SCARB2: variants seen among roughly 807,000 people sequenced by gnomAD.
SCARB2 encodes scavenger receptor class B member 2.
Under a neutral mutation model 58.6 loss-of-function variants are expected in SCARB2, and 29 were observed. The ratio of observed to expected loss-of-function variants is 0.49; its 90% CI spans 0.37 to 0.67. The LOEUF (loss-of-function observed/expected upper bound fraction) is 0.67. Among genes scored for constraint, SCARB2 ranks in the 30% least tolerant of loss-of-function variants. The probability of loss-of-function intolerance (pLI) is 0.00; values close to 1 mark genes in which losing one functional copy is unlikely to be tolerated. For missense variants in SCARB2, 488 were observed against 578.5 expected, an observed-to-expected ratio of 0.84 and a Z score of 1.60; for synonymous variants, 195 against 210.1, an observed-to-expected ratio of 0.93 and a Z score of 0.62.
intron 1 of SCARB2, among the ~76,000 whole-genome samples, chr4:76,222,224 CTTCT>C (rs1213500469): frequency 3.3e-5 from 5 of 151,364 alleles, no homozygotes; most frequent in African/African-American, 1.2e-4. Context: ...TATTTCCTAT[CTTCT>C]TTTTTTTTTT....
At chr4:76,215,315 G>A (rs2109976242), upstream of SCARB2, among the ~76,000 whole-genome samples, 1 of 152,314 alleles carries the variant, frequency 6.6e-6, no homozygotes, top group Middle Eastern at 3.4e-3. Flanking sequence ...AGCTCAACTG[G>A]TTGCTGAGTG....
chr4:76,177,404 A>C (rs1042556937), intron 4 of SCARB2, among the ~76,000 whole-genome samples: 1 of 152,148 alleles, frequency 6.6e-6, no homozygotes, highest in Non-Finnish European at 1.5e-5. Context: ...ACCTTTATAC[A>C]TTGCTAGCAG....
At chr4:76,228,478 TAAAA>T (rs906897366) in intron 1 of SCARB2, among the ~76,000 whole-genome samples, 1 of 140,790 alleles carries the variant, frequency 7.1e-6, no homozygotes, top group Non-Finnish European at 1.6e-5. Context: ...GCCTCCATCT[TAAAA>T]AAAAAAAAAG....
intron 1 of SCARB2, among the ~76,000 whole-genome samples, chr4:76,210,604 T>C (rs1439449976): frequency 2.0e-5 from 3 of 151,880 alleles, no homozygotes; most frequent in Non-Finnish European, 2.9e-5. Context: ...AGGAAGAGGG[T>C]GTGGGAAAAA....
chr4:76,198,127 T>A (rs947879254), intron 1 of SCARB2, among the ~76,000 whole-genome samples: 1 of 152,234 alleles, frequency 6.6e-6, no homozygotes, highest in Non-Finnish European at 1.5e-5. Flanking sequence ...TTCCTATTAC[T>A]GTCAGGACAG....
rs1027522221 is a variant in SCARB2 at position 76,195,869 on chromosome 4, G to GA, written c.118-6dup. The GA allele has an allele frequency of 1.9e-6, 3 of 1,602,922 alleles. No individual in the cohort carries two copies. The highest frequency in any genetic ancestry group is 2.2e-5 in the East Asian group (1 of 44,806). On this transcript the variant is annotated splice_polypyrimidine_tract_variant and splice_region_variant and intron_variant, in intron 1 of 11. Transcript: ENST00000264896. ...ACCATTCCTTAACACAATTTTCTAGGAAAAAACCAAAAGGAGATTTACAAA... is the reference window on the plus strand; with the variant it reads ...ACCATTCCTTAACACAATTTTCTAGGAAAAAAACCAAAAGGAGATTTACAAA...
intron 10 of SCARB2, 67 bp from the exon 11 acceptor site, chr4:76,163,450 T>A: frequency 6.4e-7 from 1 of 1,574,278 alleles, no homozygotes; most frequent in Non-Finnish European, 8.7e-7. Context: ...TTTTGCTATA[T>A]CTTTCCTTTG....
intron 5 of SCARB2, 166 bp downstream of exon 5, chr4:76,176,271 T>A: frequency 1.6e-6 from 1 of 620,532 alleles, no homozygotes; most frequent in Non-Finnish European, 2.8e-6. Context: ...CTGTAAGATG[T>A]TTTACCACCA....
Position 76,161,320 on chromosome 4 carries a change from G to A in SCARB2, c.*393C>T, listed in dbSNP as rs1731892672. The A allele has an allele frequency of 8.0e-6, 2 of 248,664 alleles. No individual in the cohort carries two copies. The highest frequency in any genetic ancestry group is 1.6e-5 in the Non-Finnish European group (2 of 125,786). The allele number at this position is 248,664 out of a possible 1,614,324, so 15.4% of individuals were successfully genotyped here. ...ACATAAAATGGTATATACGCATTTT[G>A]AGCACAAAGTTCGGTGAATGAAGCA... On this transcript the variant is annotated 3_prime_UTR_variant, in exon 12 of 12. Transcript: ENST00000264896.
Position 76,175,886 on chromosome 4 carries a change from G to C in SCARB2, c.729C>G (p.Asp243Glu). 6.2e-7 allele frequency: 1 copy of C among 1,613,872 alleles called. No individual in the cohort carries two copies. Among genetic ancestry groups the C allele is most frequent in the African/African-American group, 1.3e-5 (1 of 75,022 alleles). The change falls in exon 6 of 12, where the codon GAC (aspartate) becomes GAG (glutamate). Residue 243 changes from aspartate to glutamate, a missense_variant. Physicochemically the swap from Asp to Glu is conservative, Grantham distance 45. Coordinates refer to ENST00000264896, the MANE Select transcript of SCARB2 (RefSeq NM_005506.4). ...GKTSLDWWIT[D>E]KCNMINGTDG... ...CTGTTCCATTAATCATATTGCACTT[G>C]TCTGTTATCCACCAGTCAAGTGACC...
intron 1 of SCARB2, among the ~76,000 whole-genome samples, chr4:76,211,541 C>T (rs955254392): frequency 6.6e-6 from 1 of 152,214 alleles, no homozygotes; most frequent in Non-Finnish European, 1.5e-5. Flanking sequence ...AATTATTTGA[C>T]AAAGCAGATG....
intron 1 of SCARB2, among the ~76,000 whole-genome samples, chr4:76,204,688 AAG>A (rs1405258321): frequency 2.0e-5 from 3 of 152,130 alleles, no homozygotes; most frequent in African/African-American, 7.2e-5. Context: ...GCGGGTGAGA[AAG>A]AGGAGTTTCA....
Position 76,213,586 on chromosome 4 carries a change from G to GGGA in SCARB2, c.-44_-43insTCC. On this transcript the variant is annotated 5_prime_UTR_variant, in exon 1 of 12. Transcript: ENST00000264896. ...GGCCGGGCCGGGCCGCACCCGCCAG[G>GGGA]GATCCAACTGCAAGGAGGGAGGAGC... 1 of 1,530,688 alleles carries GGGA rather than the reference G, an allele frequency of 6.5e-7. No homozygotes were observed. Among genetic ancestry groups the GGGA allele is most frequent in the South Asian group, 1.1e-5 (1 of 88,154 alleles). The allele number at this position is 1,530,688 out of a possible 1,614,324, so 94.8% of individuals were successfully genotyped here.
At chr4:76,199,252 C>T (rs181319146) in intron 1 of SCARB2, among the ~76,000 whole-genome samples, 2 of 152,342 alleles carry the variant, frequency 1.3e-5, no homozygotes, top group Admixed American at 1.3e-4. Context: ...ACCCATCCAG[C>T]AGCTGCCACC....
chr4:76,217,055 T>C (rs1733220835), upstream of SCARB2, among the ~76,000 whole-genome samples: 1 of 152,204 alleles, frequency 6.6e-6, no homozygotes, highest in Non-Finnish European at 1.5e-5. Context: ...AGTTTCTCAA[T>C]GCCCTTTGGG....
At chr4:76,234,097 C>T (rs1467887382) in intron 1 of SCARB2, among the ~76,000 whole-genome samples, 1 of 152,184 alleles carries the variant, frequency 6.6e-6, no homozygotes, top group East Asian at 1.9e-4. Flanking sequence ...CCCGCGGCAC[C>T]TTGGGCCATG....
chr4:76,185,341 G>GA (rs1287103001), intron 2 of SCARB2, among the ~76,000 whole-genome samples: 8 of 152,054 alleles, frequency 5.3e-5, no homozygotes, highest in Non-Finnish European at 1.2e-4. Context: ...AGAAGAGTTT[G>GA]AAAAAACAAA....
chr4:76,159,815 T>C lies in SCARB2; in HGVS notation c.*1898A>G, dbSNP rs568192553. The C allele has an allele frequency of 1.4e-4, 21 of 152,218 alleles. No homozygotes were observed. Among genetic ancestry groups the C allele is most frequent in the Non-Finnish European group, 3.1e-4 (21 of 68,050 alleles). 9.4% of individuals were successfully genotyped at this position (152,218 alleles called of 1,614,324 possible). A position where few individuals can be genotyped will look rare whatever the true frequency, so the allele number is the denominator to read the frequency against. The stretch of plus-strand genomic sequence containing the variant: ...TAAATGTGTATATCATTAACTGTTA[T>C]CATTTACAGTATTTAAAATATCCTC... On this transcript the variant is annotated 3_prime_UTR_variant, in exon 12 of 12. Transcript: ENST00000264896.
At chr4:76,196,595 G>A (rs930373000) in intron 1 of SCARB2, among the ~76,000 whole-genome samples, 1 of 152,182 alleles carries the variant, frequency 6.6e-6, no homozygotes, top group African/African-American at 2.4e-5. Context: ...ACAAGGGGAA[G>A]GGCCCAAGAA....
Sources: gnomAD v4.1 joint callset for allele counts (sites outside exome capture counted in the v4.1 genomes callset) on GRCh38, gnomAD v4.1.1 for gene constraint, MANE v1.5 for transcripts, NCBI Gene and HGNC (gene_info 2026-07-23, HGNC 2026-07-21) for gene names.